SEMA6C: variants seen among roughly 807,000 people sequenced by gnomAD.
SEMA6C encodes the protein semaphorin-6C.
SEMA6C carries 37 observed loss-of-function variants against 72.9 expected under a neutral mutation model. That is an observed-to-expected ratio of 0.51 (90% CI 0.39 to 0.67). The LOEUF is 0.67. Among genes scored for constraint, SEMA6C ranks in the 30% least tolerant of loss-of-function variants. SEMA6C has a pLI of 0.00. For missense variants in SEMA6C, 1,189 were observed against 1,263.6 expected, an observed-to-expected ratio of 0.94 and a Z score of 0.89; for synonymous variants, 578 against 554.1, an observed-to-expected ratio of 1.04 and a Z score of -0.61.
rs148681113 is a variant in SEMA6C, at chr1:151,141,931, A to G, written c.118+573T>C. Among the ~76,000 whole-genome samples, 614 of 152,032 alleles carry G rather than the reference A, an allele frequency of 4.0e-3. 8 individuals carry two copies. Among genetic ancestry groups the G allele is most frequent in the African/African-American group, 0.014 (581 of 41,490 alleles). On this transcript the variant is annotated intron_variant, in intron 3 of 18. Coordinates refer to ENST00000368914, the MANE Select transcript of SEMA6C (RefSeq NM_030913.6). The stretch of plus-strand genomic sequence containing the variant: ...TACTATTATATTCATTTTACAGCTG[A>G]GGAGACTGAGACAAAGAAAGGTTAA...
chr1:151,140,099 C>T lies in SEMA6C; in HGVS notation c.119-9G>A, dbSNP rs1289448454. The T allele has an allele frequency of 6.2e-7, 1 of 1,609,690 alleles. No homozygotes were observed. Among genetic ancestry groups the T allele is most frequent in the Admixed American group, 1.7e-5 (1 of 59,788 alleles). On this transcript the variant is annotated splice_polypyrimidine_tract_variant and intron_variant, in intron 3 of 18. Transcript: ENST00000368914. Reference sequence around the variant, plus strand: ...GGATAATGGGGAAGTACCTTGAGGACACAGAGAGATAGGATTCTGAGGATA... The same window carrying T: ...GGATAATGGGGAAGTACCTTGAGGATACAGAGAGATAGGATTCTGAGGATA...
In SEMA6C at chr1:151,133,182, G is replaced by A. The variant is rs1367603831; in HGVS notation, c.2095C>T (p.Pro699Ser). 1 of 1,562,268 alleles carries A rather than the reference G, an allele frequency of 6.4e-7. No individual in the cohort carries two copies. The highest frequency in any genetic ancestry group is 1.8e-5 in the Admixed American group (1 of 54,248). Residue 699 changes from proline to serine, a missense_variant, in exon 19 of 19, where the codon CCC (proline) becomes TCC (serine). Physicochemically the swap from Pro to Ser is moderately conservative, Grantham distance 74. Coordinates refer to ENST00000368914, the MANE Select transcript of SEMA6C (RefSeq NM_030913.6). This position sits in a 1 kb window ranked among gnomAD's most constrained non-coding sequence, Gnocchi z 5.9. The stretch of plus-strand genomic sequence containing the variant: ...AGCTCCGGCGTGGACTCGGGGGTGG[G>A]CAGGCAGGCCAGCTCCGGCGGGGGC... ...GVPPPELACL[P>S]TPESTPELPV...
chr1:151,139,641 G>C lies in SEMA6C; in HGVS notation c.294C>G (p.Asn98Lys), dbSNP rs150968360. ...AEEEGEGLVPNKYLTWRSQDV... is the reference protein window; with the variant it reads ...AEEEGEGLVPKKYLTWRSQDV... ...CTCTTCCCACACAGCCCCTCACCTTGTTGGGCACCAGCCCCTCCCCTTCTT... is the reference window on the plus strand; with the variant it reads ...CTCTTCCCACACAGCCCCTCACCTTCTTGGGCACCAGCCCCTCCCCTTCTT... Residue 98 changes from asparagine (N) to lysine (K), a missense_variant, in exon 5 of 19, where the codon AAC becomes AAG. Physicochemically the swap from Asn to Lys is moderately conservative, Grantham distance 94. This residue lies in a region of SEMA6C where 468 missense variants were observed against 577.4 expected (regional missense o/e 0.81). Coordinates refer to ENST00000368914, the MANE Select transcript of SEMA6C (RefSeq NM_030913.6). The C allele has an allele frequency of 6.2e-7, 1 of 1,606,984 alleles. No individual in the cohort carries two copies. Among genetic ancestry groups the C allele is most frequent in the African/African-American group, 1.3e-5 (1 of 74,740 alleles).
Position 151,132,985 on chromosome 1 carries a change from G to A in SEMA6C, c.2292C>T (p.Val764=). The A allele has an allele frequency of 7.1e-7, 1 of 1,412,864 alleles. No homozygotes were observed. The highest frequency in any genetic ancestry group is 1.3e-5 in the South Asian group (1 of 78,086). 87.5% of individuals were successfully genotyped at this position (1,412,864 alleles called of 1,614,324 possible). A position where few individuals can be genotyped will look rare whatever the true frequency, so the allele number is the denominator to read the frequency against. The change falls in exon 19 of 19, where the codon GTC becomes GTT. Residue 764 remains valine (V), a synonymous_variant. Coordinates refer to ENST00000368914, the MANE Select transcript of SEMA6C (RefSeq NM_030913.6). ...AGCGCAGCAGTTCCTCCAGGGTGGT[G>A]ACTTCCACGGCCTGCCCGGGACAGC... ...PPGCPGQAVE[V]TTLEELLRYL...
rs369602824 is a variant in SEMA6C, at chr1:151,134,458, G to A, written c.1715-13C>T. 1 of 1,606,342 alleles carries A rather than the reference G, an allele frequency of 6.2e-7. No individual in the cohort carries two copies. Among genetic ancestry groups the A allele is most frequent in the Non-Finnish European group, 8.5e-7 (1 of 1,176,040 alleles). On this transcript the variant is annotated splice_polypyrimidine_tract_variant and intron_variant, in intron 17 of 18. Coordinates refer to ENST00000368914, the MANE Select transcript of SEMA6C (RefSeq NM_030913.6). The stretch of plus-strand genomic sequence containing the variant: ...CCAGTAGCTCCATCTATGAAGAAGG[G>A]ACAGGGTGAAGATGGGGGGAAAGAG...
intron 15 of SEMA6C, 117 bp downstream of exon 15, chr1:151,135,046 C>T (rs930794873): frequency 9.2e-5 from 135 of 1,469,886 alleles, no homozygotes; most frequent in Middle Eastern, 2.5e-4. Context: ...CTTGAGGTAC[C>T]TAGGCACCCC....
chr1:151,135,056 C>A, intron 15 of SEMA6C, 107 bp downstream of exon 15: 1 of 1,515,572 alleles, frequency 6.6e-7, no homozygotes, highest in African/African-American at 1.4e-5. Flanking sequence ...CTAGGCACCC[C>A]ACAGCCATCC....
At position 151,132,064 on chromosome 1, in the gene SEMA6C, C is replaced by T; in HGVS notation, c.*420G>A. 5.7e-6 allele frequency: 3 copies of T among 527,274 alleles called. No individual in the cohort carries two copies. Among genetic ancestry groups the T allele is most frequent in the Non-Finnish European group, 8.7e-6 (3 of 346,468 alleles). 32.7% of individuals were successfully genotyped at this position (527,274 alleles called of 1,614,324 possible). ...TGAAGTCAGGCAGTGGCTGCAGACA[C>T]GGCTGTATTGGGAAGCGGAGGCTCC... On this transcript the variant is annotated 3_prime_UTR_variant, in exon 19 of 19. Transcript: ENST00000368914.
rs758054891 is a variant in SEMA6C at position 151,135,639 on chromosome 1, C to T, written c.1385G>A (p.Gly462Glu). 3.7e-6 allele frequency: 6 copies of T among 1,614,064 alleles called. No individual in the cohort carries two copies. The highest frequency in any genetic ancestry group is 4.5e-5 in the East Asian group (2 of 44,900). ...CTCTTCCAGGAGGATGGGCTCAGGT[C>T]CCCCGGATCGCCCACCTGGGGTCAG... Reference protein sequence around the residue: ...KVLTPGGRSGGPEPILLEEID... With the variant: ...KVLTPGGRSGEPEPILLEEID... Residue 462 changes from glycine (G) to glutamate (E), a missense_variant, in exon 14 of 19, where the codon GGA (glycine) becomes GAA (glutamate). Physicochemically the swap from Gly to Glu is moderately conservative, Grantham distance 98 (BLOSUM62 -2). This residue lies in a region of SEMA6C where 721 missense variants were observed against 686.2 expected (regional missense o/e 1.05). Coordinates refer to ENST00000368914, the MANE Select transcript of SEMA6C (RefSeq NM_030913.6).
chr1:151,145,240 C>A lies in SEMA6C; in HGVS notation c.-104-806G>T, dbSNP rs760560401. 5.9e-5 allele frequency: 9 copies of A among 152,326 alleles called. No homozygotes were observed. The highest frequency in any genetic ancestry group is 8.8e-5 in the Non-Finnish European group (6 of 68,120). The allele number at this position is 152,326 out of a possible 1,614,324, so 9.4% of individuals were successfully genotyped here. On this transcript the variant is annotated intron_variant, in intron 1 of 18. Coordinates refer to ENST00000368914, the MANE Select transcript of SEMA6C (RefSeq NM_030913.6). This position sits in a 1 kb window ranked among gnomAD's most constrained non-coding sequence, Gnocchi z 4.4. ...GCCCTTCTCTCTCCTGGCCCCGAAG[C>A]CACCTCTGGGGAATGGCTGGGGTCA...
chr1:151,135,096 G>A, intron 15 of SEMA6C, 67 bp downstream of exon 15: 1 of 1,586,738 alleles, frequency 6.3e-7, no homozygotes. Flanking sequence ...CCAAAGACCT[G>A]TGTTTCTGTG....
At chr1:151,134,347 A>G (rs12085364) in intron 18 of SEMA6C, 54 bp downstream of exon 18, 44,084 of 1,487,704 alleles carry the variant, frequency 0.03, 1,101 homozygotes, top group African/African-American at 0.11. Flanking sequence ...CAGGACACAC[A>G]CTCAGGTATG....
Position 151,133,350 on chromosome 1 carries a change from G to A in SEMA6C, c.1927C>T (p.Pro643Ser), listed in dbSNP as rs1255501297. Residue 643 changes from proline to serine, a missense_variant, in exon 19 of 19, where the codon CCG (proline) becomes TCG (serine). Coordinates refer to ENST00000368914, the MANE Select transcript of SEMA6C (RefSeq NM_030913.6). This position sits in a 1 kb window ranked among gnomAD's most constrained non-coding sequence, Gnocchi z 5.9. The part of the protein sequence containing the change: ...HRRRGKDIET[P>S]GLPRPLSLRS... ...AGGGAGAGAGGGCGCGGGAGCCCCG[G>A]AGTCTCGATGTCCTTGCCCCGACGT... The A allele has an allele frequency of 1.3e-6, 2 of 1,598,742 alleles. No homozygotes were observed. The highest frequency in any genetic ancestry group is 1.7e-6 in the Non-Finnish European group (2 of 1,175,164).
At chr1:151,137,339 G>A (rs773694626) in intron 10 of SEMA6C, among the ~76,000 whole-genome samples, 3 of 151,932 alleles carry the variant, frequency 2.0e-5, no homozygotes, top group Non-Finnish European at 2.9e-5. Flanking sequence ...CCAGCTGCTC[G>A]GGAGGCTGAG....
intron 18 of SEMA6C, 99 bp downstream of exon 18, chr1:151,134,302 C>A: frequency 8.3e-7 from 1 of 1,204,786 alleles, no homozygotes; most frequent in Non-Finnish European, 1.2e-6. Context: ...TTCCGATACT[C>A]CCAGGGTATT....
intron 3 of SEMA6C, among the ~76,000 whole-genome samples, chr1:151,142,043 CTT>C (rs11321807): frequency 2.0e-3 from 256 of 128,342 alleles, no homozygotes; most frequent in Middle Eastern, 8.3e-3. Context: ...AGTCCATGTT[CTT>C]TTTTTTTTTT....
chr1:151,132,206 C>T lies in SEMA6C; in HGVS notation c.*278G>A, dbSNP rs1165157149. The T allele has an allele frequency of 2.7e-6, 4 of 1,482,042 alleles. No homozygotes were observed. The East Asian group carries it at 8.2e-5, about 30-fold the overall frequency. The allele number at this position is 1,482,042 out of a possible 1,614,324, so 91.8% of individuals were successfully genotyped here. ...AGCCCCGAGGGGCGAGTTAAGGCAG[C>T]TTGGCTGGAAGGGAGCGGGGAGTGG... On this transcript the variant is annotated 3_prime_UTR_variant, in exon 19 of 19. Coordinates refer to ENST00000368914, the MANE Select transcript of SEMA6C (RefSeq NM_030913.6).
Position 151,145,114 on chromosome 1 carries a change from G to C in SEMA6C, c.-104-680C>G, listed in dbSNP as rs587689197. 1 of 152,272 alleles carries C rather than the reference G, an allele frequency of 6.6e-6. No individual in the cohort carries two copies. The highest frequency in any genetic ancestry group is 1.5e-5 in the Non-Finnish European group (1 of 68,102). 9.4% of individuals were successfully genotyped at this position (152,272 alleles called of 1,614,324 possible). A position where few individuals can be genotyped will look rare whatever the true frequency, so the allele number is the denominator to read the frequency against. ...CTGGAGAAAAGATCACTCTGCCCTG[G>C]AAGAATCCGAGCTGCTTCACACACC... On this transcript the variant is annotated intron_variant, in intron 1 of 18. Coordinates refer to ENST00000368914, the MANE Select transcript of SEMA6C (RefSeq NM_030913.6). The surrounding 1 kb of genome is among the most constrained non-coding windows in gnomAD (Gnocchi z 4.4).
chr1:151,136,058 G>A lies in SEMA6C; in HGVS notation c.1212C>T (p.Pro404=), dbSNP rs764317725. 6.6e-5 allele frequency: 107 copies of A among 1,614,020 alleles called. No individual in the cohort carries two copies. The highest frequency in any genetic ancestry group is 9.0e-5 in the Non-Finnish European group (106 of 1,180,042). The change falls in exon 13 of 19, where the codon CCC becomes CCT. Residue 404 remains proline (P), a synonymous_variant. Transcript: ENST00000368914. ...GCTGATGGGTGACAGGTGGTACAGC[G>A]GGGTCCAGCAGCGGGTGAGCCTTGA... ...TFIKAHPLLD[P]AVPPVTHQPL...
Sources: allele counts gnomAD v4.1 joint callset (sites outside exome capture counted in the v4.1 genomes callset), GRCh38; gene constraint gnomAD v4.1.1; regional missense constraint gnomAD v4.1.1; non-coding constraint Gnocchi (gnomAD v3.1); transcripts MANE v1.5; gene names NCBI Gene and HGNC (gene_info 2026-07-23, HGNC 2026-07-21).